Variants in ENPP3 observed in about 807,000 individuals in gnomAD.
ENPP3 encodes ectonucleotide pyrophosphatase/phosphodiesterase family member 3.
ENPP3 carries 104 observed loss-of-function variants against 117.8 expected under a neutral mutation model. The ratio of observed to expected loss-of-function variants is 0.88; its 90% CI spans 0.75 to 1.04. The LOEUF (loss-of-function observed/expected upper bound fraction) is 1.04, where lower values mean the gene tolerates loss of function less well. Ranked by LOEUF, ENPP3 falls within the 50% of genes least tolerant of loss-of-function variation. The pLI, the probability that ENPP3 is intolerant of heterozygous loss-of-function variation, is 0.00. For synonymous variants in ENPP3, 380 were observed against 349.9 expected (o/e 1.09, Z -0.96); for missense variants, 1,026 against 1,051.9 (o/e 0.98, Z 0.34).
intron 5 of ENPP3, among the ~76,000 whole-genome samples, chr6:131,657,665 A>G (rs899635918): frequency 6.6e-6 from 1 of 152,222 alleles, no homozygotes; most frequent in Non-Finnish European, 1.5e-5. Context: ...TAAGTACAAA[A>G]ATAGACAAAG....
At chr6:131,698,269 C>T (rs970091921) in intron 15 of ENPP3, among the ~76,000 whole-genome samples, 10 of 149,508 alleles carry the variant, frequency 6.7e-5, no homozygotes, top group African/African-American at 2.5e-4. Flanking sequence ...AAAATGTTCT[C>T]CAATGTCTAT....
At chr6:131,684,876 C>T (rs1010869676) in intron 12 of ENPP3, among the ~76,000 whole-genome samples, 17 of 152,054 alleles carry the variant, frequency 1.1e-4, no homozygotes, top group Admixed American at 1.1e-3. Context: ...CTGCCACCTT[C>T]GAGGTTCAAA....
intron 14 of ENPP3, among the ~76,000 whole-genome samples, chr6:131,687,476 C>G (rs1779177902): frequency 6.6e-6 from 1 of 152,004 alleles, no homozygotes; most frequent in Non-Finnish European, 1.5e-5. Flanking sequence ...GGCTAAGTCC[C>G]CAAAAGCAAT....
chr6:131,734,770 T>G (rs1780359976), intron 21 of ENPP3, among the ~76,000 whole-genome samples: 1 of 151,738 alleles, frequency 6.6e-6, no homozygotes, highest in South Asian at 2.1e-4. Flanking sequence ...GGTTTGCTGG[T>G]GCGCACCTGT....
chr6:131,720,264 T>C, intron 16 of ENPP3, 28 bp from the exon 17 acceptor site: 1 of 1,354,638 alleles, frequency 7.4e-7, no homozygotes, highest in South Asian at 1.3e-5. Context: ...TGACATCTAA[T>C]AATAATAATC....
rs779026621 is a variant in ENPP3, at chr6:131,658,334, C to T, written c.476C>T (p.Pro159Leu). Residue 159 changes from proline (P) to leucine (L), a missense_variant, in exon 6 of 25, where the codon CCA becomes CTA. Coordinates refer to ENST00000357639, the MANE Select transcript of ENPP3 (RefSeq NM_005021.5). ...QSQCPEGFDLPPVILFSMDGF... is the reference protein window; with the variant it reads ...QSQCPEGFDLLPVILFSMDGF... Reference sequence around the variant, plus strand: ...TTTTCCATTTTCAGGTTTGACCTGCCACCAGTTATCTTGTTTTCTATGGAT... The same window carrying T: ...TTTTCCATTTTCAGGTTTGACCTGCTACCAGTTATCTTGTTTTCTATGGAT... The T allele has an allele frequency of 1.1e-5, 17 of 1,604,656 alleles. No homozygotes were observed. Among genetic ancestry groups the T allele is most frequent in the Non-Finnish European group, 1.4e-5 (16 of 1,171,858 alleles).
intron 16 of ENPP3, among the ~76,000 whole-genome samples, chr6:131,720,009 G>A (rs4461756): frequency 0.024 from 3,623 of 152,212 alleles, 79 homozygotes; most frequent in Non-Finnish European, 0.036. Context: ...GCTGATATTG[G>A]TTGTGTGCCA....
At chr6:131,642,149 C>T (rs1354154598) in intron 2 of ENPP3, among the ~76,000 whole-genome samples, 1 of 152,006 alleles carries the variant, frequency 6.6e-6, no homozygotes, top group African/African-American at 2.4e-5. Flanking sequence ...TTTCATTCTG[C>T]TCCCACTGTC....
chr6:131,668,924 G>A (rs1778680622), intron 6 of ENPP3, among the ~76,000 whole-genome samples: 1 of 152,170 alleles, frequency 6.6e-6, no homozygotes, highest in Non-Finnish European at 1.5e-5. Flanking sequence ...TGGTTCAAGG[G>A]CAGGTAATAC....
intron 14 of ENPP3, among the ~76,000 whole-genome samples, chr6:131,692,678 T>C (rs1779304975): frequency 6.8e-6 from 1 of 146,814 alleles, no homozygotes; most frequent in African/African-American, 2.5e-5. Context: ...ATATAATATA[T>C]GGTTATATAT....
At chr6:131,724,155 T>C in intron 19 of ENPP3, 64 bp downstream of exon 19, 3 of 1,080,386 alleles carry the variant, frequency 2.8e-6, no homozygotes, top group Non-Finnish European at 4.1e-6. Flanking sequence ...AATGTGGCCC[T>C]TTTAGGACTC....
intron 3 of ENPP3, among the ~76,000 whole-genome samples, chr6:131,650,586 C>T (rs1042893108): frequency 6.6e-6 from 1 of 152,202 alleles, no homozygotes; most frequent in Non-Finnish European, 1.5e-5. Context: ...TGACAAAGTA[C>T]CACAGACTGG....
intron 15 of ENPP3, among the ~76,000 whole-genome samples, chr6:131,702,034 T>A (rs1247640038): frequency 6.6e-6 from 1 of 152,152 alleles, no homozygotes; most frequent in Non-Finnish European, 1.5e-5. Flanking sequence ...TTAAAAAAAA[T>A]TTGGCTCAGG....
At chr6:131,687,251 T>A (rs1180629167) in intron 14 of ENPP3, among the ~76,000 whole-genome samples, 30 of 152,090 alleles carry the variant, frequency 2.0e-4, no homozygotes, top group Admixed American at 2.0e-3. Flanking sequence ...TTTGATTTGC[T>A]GACAAAAACA....
chr6:131,664,754 T>C (rs530814626), intron 6 of ENPP3, among the ~76,000 whole-genome samples: 1 of 152,210 alleles, frequency 6.6e-6, no homozygotes, highest in Non-Finnish European at 1.5e-5. Flanking sequence ...TTGAATAGGA[T>C]AACATGCTGT....
intron 11 of ENPP3, 88 bp downstream of exon 11, chr6:131,678,028 A>G: frequency 1.4e-6 from 1 of 738,538 alleles, no homozygotes; most frequent in Non-Finnish European, 2.3e-6. Context: ...TTTAACTTCT[A>G]CTGAGCACAA....
chr6:131,666,021 C>T (rs1422695789), intron 6 of ENPP3, among the ~76,000 whole-genome samples: 1 of 151,872 alleles, frequency 6.6e-6, no homozygotes. Flanking sequence ...TTTCAGTTTT[C>T]CCTGTAATAT....
At chr6:131,656,997 C>G (rs760838515) in intron 5 of ENPP3, among the ~76,000 whole-genome samples, 12 of 151,992 alleles carry the variant, frequency 7.9e-5, no homozygotes, top group Non-Finnish European at 1.5e-4. Context: ...TTAATCTCTT[C>G]CAAGTTATTT....
chr6:131,639,120 A>G (rs548020572), intron 1 of ENPP3, among the ~76,000 whole-genome samples: 1 of 152,210 alleles, frequency 6.6e-6, no homozygotes, highest in South Asian at 2.1e-4. Flanking sequence ...AGAAGTAAAT[A>G]AAATAATGTA....
Sources: gnomAD v4.1 joint callset for allele counts (sites outside exome capture counted in the v4.1 genomes callset) on GRCh38, gnomAD v4.1.1 for gene constraint, MANE v1.5 for transcripts, NCBI Gene and HGNC (gene_info 2026-07-23, HGNC 2026-07-21) for gene names.